The following SEC23B variants were observed in gnomAD, a reference collection of about 807,000 sequenced individuals.
The protein encoded by SEC23B is protein transport protein Sec23B.
SEC23B carries 77 observed loss-of-function variants against 104.3 expected under a neutral mutation model. The ratio of observed to expected loss-of-function variants is 0.74; its 90% confidence interval spans 0.61 to 0.89. The LOEUF is 0.89. SEC23B is among the 40% of genes least tolerant of loss of function. The pLI is 0.00. For synonymous variants in SEC23B, 338 were observed against 332.5 expected (o/e 1.02, Z -0.18); for missense variants, 885 against 949.4 (o/e 0.93, Z 0.89).
chr20:18,515,504 GGTCT>G, intron 3 of SEC23B, 142 bp from the exon 4 acceptor site: 1 of 656,274 alleles, frequency 1.5e-6, no homozygotes, highest in Non-Finnish European at 2.8e-6. Context: ...ATACAGACAG[GGTCT>G]CACAGTGTTG....
At chr20:18,528,886 A>T (rs1269396885) in intron 9 of SEC23B, among the ~76,000 whole-genome samples, 1 of 152,260 alleles carries the variant, frequency 6.6e-6, no homozygotes, top group Non-Finnish European at 1.5e-5. Context: ...GTATAGCTCA[A>T]GGTGAGCCAA....
intron 1 of SEC23B, 199 bp downstream of exon 1, chr20:18,508,171 C>T (rs920451663): frequency 3.9e-5 from 6 of 152,230 alleles, no homozygotes; most frequent in Non-Finnish European, 4.4e-5. Flanking sequence ...ATTTCTGGCT[C>T]CAGTTTCCCC....
Position 18,522,604 on chromosome 20 carries a change from C to G in SEC23B, c.367-1829C>G, listed in dbSNP as rs139276107. 8.5e-4 allele frequency among the ~76,000 whole-genome samples: 129 copies of G among 152,272 alleles called. 1 individual carries two copies. Among genetic ancestry groups the G allele is most frequent in the African/African-American group, 2.9e-3 (119 of 41,544 alleles). ...GTGAGGGTGAGGACAGGGGACTGGTCTCTTGAAGGAGTCCCTCTGACCCGG... is the reference window on the plus strand; with the variant it reads ...GTGAGGGTGAGGACAGGGGACTGGTGTCTTGAAGGAGTCCCTCTGACCCGG... On this transcript the variant is annotated intron_variant, in intron 4 of 19. Coordinates refer to ENST00000650089, the MANE Select transcript of SEC23B (RefSeq NM_006363.6).
intron 15 of SEC23B, among the ~76,000 whole-genome samples, chr20:18,546,869 G>A (rs888300905): frequency 3.3e-5 from 5 of 150,484 alleles, no homozygotes; most frequent in African/African-American, 1.2e-4. Flanking sequence ...CCCACCTCTA[G>A]CAGTGGGGAG....
chr20:18,508,045 CG>C (rs2059946599), intron 1 of SEC23B, 73 bp downstream of exon 1: 1 of 152,766 alleles, frequency 6.5e-6, no homozygotes, highest in Non-Finnish European at 1.5e-5. Context: ...GAGTTTCTGC[CG>C]GGGGCGAGGT....
chr20:18,535,081 A>G (rs759501851), intron 11 of SEC23B, among the ~76,000 whole-genome samples: 17 of 152,128 alleles, frequency 1.1e-4, no homozygotes, highest in Non-Finnish European at 1.9e-4. Context: ...TCCGCTCTCC[A>G]CCTTAGAGCT....
intron 15 of SEC23B, among the ~76,000 whole-genome samples, chr20:18,546,564 C>T (rs1287762486): frequency 6.6e-6 from 1 of 152,220 alleles, no homozygotes; most frequent in Non-Finnish European, 1.5e-5. Flanking sequence ...GAATTTCCGT[C>T]TCCATTGTAA....
At chr20:18,532,766 C>T in intron 11 of SEC23B, 22 bp downstream of exon 11, 1 of 1,548,328 alleles carries the variant, frequency 6.5e-7, no homozygotes, top group Non-Finnish European at 8.9e-7. Context: ...AACTCCATCA[C>T]CCTCACCTCC....
chr20:18,535,788 T>C (rs1308935805), intron 12 of SEC23B, 46 bp downstream of exon 12: 1 of 1,440,278 alleles, frequency 6.9e-7, no homozygotes. Context: ...GTGTCCTGTT[T>C]TGTGATTTAT....
chr20:18,546,903 G>GTTTTTTTT (rs58809009), intron 15 of SEC23B, among the ~76,000 whole-genome samples: 5 of 115,496 alleles, frequency 4.3e-5, no homozygotes, highest in African/African-American at 1.7e-4. Context: ...GTGGTTTGCA[G>GTTTTTTTT]TTTTTTTTTT....
In SEC23B at chr20:18,545,962, A is replaced by G. The variant is rs1402368204; in HGVS notation, c.1672A>G (p.Lys558Glu). The G allele has an allele frequency of 1.3e-6, 2 of 1,573,312 alleles. No homozygotes were observed. The highest frequency in any genetic ancestry group is 1.7e-6 in the Non-Finnish European group (2 of 1,142,970). The stretch of plus-strand genomic sequence containing the variant: ...TGGTATTTTCTTTCCATAGTGTCAA[A>G]AGTTTGGACAGTATAACAAAGAAGA... ...LDRQLIRLCQ[K>E]FGQYNKEDPT... is the part of the protein sequence containing the mutation. Residue 558 changes from lysine (K) to glutamate (E), a missense_variant, in exon 15 of 20, where the codon AAG becomes GAG. Coordinates refer to ENST00000650089, the MANE Select transcript of SEC23B (RefSeq NM_006363.6).
chr20:18,523,565 G>C (rs989424829), intron 4 of SEC23B, among the ~76,000 whole-genome samples: 2 of 151,514 alleles, frequency 1.3e-5, no homozygotes, highest in Admixed American at 1.3e-4. Context: ...ACTACGCCTG[G>C]CTAATTTTTG....
Position 18,560,768 on chromosome 20 carries a change from G to C in SEC23B, c.*28G>C, listed in dbSNP as rs371480914. On this transcript the variant is annotated 3_prime_UTR_variant, in exon 20 of 20. Transcript: ENST00000650089. ...TGAGGATACAACCAGGAAATGCAAC[G>C]GTGTCAGATTGTGTTCAAAATGTCT... 1.3e-5 allele frequency: 20 copies of C among 1,528,114 alleles called. No homozygotes were observed. In the African/African-American group the frequency reaches 2.6e-4, roughly 20 times the overall value. The allele number at this position is 1,528,114 out of a possible 1,614,324, so 94.7% of individuals were successfully genotyped here.
At position 18,554,273 on chromosome 20, in the gene SEC23B, G is replaced by T. The variant is rs202187007; in HGVS notation, c.2031G>T (p.Met677Ile). 4 of 1,614,194 alleles carry T rather than the reference G, an allele frequency of 2.5e-6. No homozygotes were observed. Among genetic ancestry groups the T allele is most frequent in the East Asian group, 2.2e-5 (1 of 44,872 alleles). ...GGCGTAAAGCTGGCTACCAGGACAT[G>T]CCCGAGTATGAAAACTTCAAGCACC... Reference protein sequence around the residue: ...AQWRKAGYQDMPEYENFKHLL... With the variant: ...AQWRKAGYQDIPEYENFKHLL... Residue 677 changes from methionine to isoleucine, a missense_variant, in exon 18 of 20, where the codon ATG becomes ATT. Met to Ile is a conservative substitution (Grantham distance 10, BLOSUM62 1). Coordinates refer to ENST00000650089, the MANE Select transcript of SEC23B (RefSeq NM_006363.6).
In SEC23B at chr20:18,554,409, A is replaced by G; in HGVS notation, c.2148+19A>G. 6.2e-7 allele frequency: 1 copy of G among 1,613,958 alleles called. No individual in the cohort carries two copies. Among genetic ancestry groups the G allele is most frequent in the Non-Finnish European group, 8.5e-7 (1 of 1,179,802 alleles). Reference sequence around the variant, plus strand: ...CAGTCAGGTGAGTGAGCTGAGTTCTAACTCCAGTGGTTTGTTCGTTTTATG... The same window carrying G: ...CAGTCAGGTGAGTGAGCTGAGTTCTGACTCCAGTGGTTTGTTCGTTTTATG... On this transcript the variant is annotated intron_variant, in intron 18 of 19. Transcript: ENST00000650089.
intron 11 of SEC23B, among the ~76,000 whole-genome samples, chr20:18,534,017 T>C (rs2060207652): frequency 1.3e-5 from 2 of 152,232 alleles, no homozygotes; most frequent in Admixed American, 6.5e-5. Flanking sequence ...AAATACAATT[T>C]TCAGACATAC....
chr20:18,530,589 T>A, intron 9 of SEC23B, 91 bp from the exon 10 acceptor site: 2 of 1,479,996 alleles, frequency 1.4e-6, no homozygotes, highest in South Asian at 2.5e-5. Flanking sequence ...GGTTTCTTTT[T>A]TTCTTTAAAT....
intron 4 of SEC23B, among the ~76,000 whole-genome samples, chr20:18,522,111 A>G (rs2060089179): frequency 6.6e-6 from 1 of 152,174 alleles, no homozygotes; most frequent in African/African-American, 2.4e-5. Context: ...AAGTTTGCAC[A>G]TAGTGAAGGA....
At chr20:18,534,278 A>T (rs138241493) in intron 11 of SEC23B, among the ~76,000 whole-genome samples, 1 of 152,332 alleles carries the variant, frequency 6.6e-6, no homozygotes, top group East Asian at 1.9e-4. Flanking sequence ...CAAACTTAAG[A>T]AAATAATAAT....
Sources: gnomAD v4.1 joint callset for allele counts (sites outside exome capture counted in the v4.1 genomes callset) on GRCh38, gnomAD v4.1.1 for gene constraint, MANE v1.5 for transcripts, NCBI Gene and HGNC (gene_info 2026-07-23, HGNC 2026-07-21) for gene names.